Variants in RPTOR observed in about 807,000 individuals in gnomAD.
The protein encoded by RPTOR is regulatory-associated protein of mTOR.
In RPTOR, 21 loss-of-function variants were observed where a neutral mutation model predicts 169.9. The ratio of observed to expected loss-of-function variants is 0.12; its 90% confidence interval spans 0.09 to 0.18. The LOEUF (loss-of-function observed/expected upper bound fraction) is 0.18. Ranked by LOEUF, RPTOR falls within the 10% of genes least tolerant of loss-of-function variation. The pLI is 1.00. For synonymous variants in RPTOR, 732 were observed against 753.2 expected (o/e 0.97, Z 0.46); for missense variants, 1,133 against 1,855.9 (o/e 0.61, Z 7.16).
chr17:80,614,014 G>A (rs952797105), intron 1 of RPTOR, among the ~76,000 whole-genome samples: 15 of 152,148 alleles, frequency 9.9e-5, no homozygotes, highest in African/African-American at 3.6e-4. Context: ...CCTCCCCGGC[G>A]ACACTGCTGC....
intron 3 of RPTOR, among the ~76,000 whole-genome samples, chr17:80,705,649 C>T (rs12939413): frequency 0.18 from 27,107 of 152,150 alleles, 2,847 homozygotes; most frequent in East Asian, 0.24. Flanking sequence ...GTTTTCCTCA[C>T]ATCTAATTCT....
intron 3 of RPTOR, among the ~76,000 whole-genome samples, chr17:80,674,459 C>T (rs2065845612): frequency 6.6e-6 from 1 of 152,088 alleles, no homozygotes; most frequent in African/African-American, 2.4e-5. Flanking sequence ...AAATGAAGAA[C>T]TGGGGATTCT....
intron 4 of RPTOR, among the ~76,000 whole-genome samples, chr17:80,711,608 C>T (rs949895772): frequency 6.6e-6 from 1 of 152,104 alleles, no homozygotes; most frequent in African/African-American, 2.4e-5. Context: ...AATTAAGGTC[C>T]ATGCATTGCA....
In RPTOR at chr17:80,959,159, T is replaced by A. The variant is rs1446403062; in HGVS notation, c.3478-919T>A. Among the ~76,000 whole-genome samples the A allele has an allele frequency of 6.6e-6, 1 of 152,190 alleles. No homozygotes were observed. Among genetic ancestry groups the A allele is most frequent in the East Asian group, 1.9e-4 (1 of 5,184 alleles). ...CCCAGGCCTTCCCGTGTGGGCAGCC[T>A]CCCCTCTGACGTGACCGTGGATCCC... On this transcript the variant is annotated intron_variant, in intron 29 of 33. Coordinates refer to ENST00000306801, the MANE Select transcript of RPTOR (RefSeq NM_020761.3). The surrounding 1 kb of genome is among the most constrained non-coding windows in gnomAD (Gnocchi z 6.7).
rs1567854330 is a variant in RPTOR at position 80,681,662 on chromosome 17, G to GTTGAATTTCATTTGATTCTTAAATA, written c.349-26178_349-26177insTGAATTTCATTTGATTCTTAAATAT. 1.0e-3 allele frequency among the ~76,000 whole-genome samples: 89 copies of GTTGAATTTCATTTGATTCTTAAATA among 85,186 alleles called. 3 individuals are homozygous for GTTGAATTTCATTTGATTCTTAAATA. Among genetic ancestry groups the GTTGAATTTCATTTGATTCTTAAATA allele is most frequent in the African/African-American group, 2.9e-3 (39 of 13,684 alleles). 55.9% of individuals were successfully genotyped at this position (85,186 alleles called of 152,430 possible). A position where few individuals can be genotyped will look rare whatever the true frequency, so the allele number is the denominator to read the frequency against. ...TGTACGTCTCTTACACCTTCATGAG[G>GTTGAATTTCATTTGATTCTTAAATA]TGTACGTCTCTTACAGCTTCATGAG... On this transcript the variant is annotated intron_variant, in intron 3 of 33. Transcript: ENST00000306801.
At chr17:80,739,392 C>T (rs2066463803) in intron 5 of RPTOR, among the ~76,000 whole-genome samples, 1 of 152,078 alleles carries the variant, frequency 6.6e-6, no homozygotes, top group Non-Finnish European at 1.5e-5. Flanking sequence ...AAGGCAAGGG[C>T]AGGAAACAGG....
At chr17:80,857,524 G>A (rs367678644) in intron 12 of RPTOR, among the ~76,000 whole-genome samples, 126 of 152,326 alleles carry the variant, frequency 8.3e-4, no homozygotes, top group African/African-American at 2.8e-3. Flanking sequence ...AGCAGCCTGC[G>A]CCTCCACAAG....
Position 80,960,217 on chromosome 17 carries a change from C to A in RPTOR, c.3605+12C>A, listed in dbSNP as rs1555641687. ...GCACTCAGCGAATGGTACCTTGACCCTGTCCTCTCCCTCCCCGAGTGCTGG... is the reference window on the plus strand; with the variant it reads ...GCACTCAGCGAATGGTACCTTGACCATGTCCTCTCCCTCCCCGAGTGCTGG... On this transcript the variant is annotated intron_variant, in intron 30 of 33. Transcript: ENST00000306801. The surrounding 1 kb of genome is among the most constrained non-coding windows in gnomAD (Gnocchi z 4.8). 6.2e-7 allele frequency: 1 copy of A among 1,613,232 alleles called. No homozygotes were observed. The highest frequency in any genetic ancestry group is 8.5e-7 in the Non-Finnish European group (1 of 1,179,856).
At chr17:80,848,809 A>G (rs76300010) in intron 11 of RPTOR, among the ~76,000 whole-genome samples, 36 of 152,322 alleles carry the variant, frequency 2.4e-4, no homozygotes, top group African/African-American at 7.7e-4. Flanking sequence ...CTTTTTGTAA[A>G]TGGCCTTCTG....
At chr17:80,736,888 A>C (rs1347763914) in intron 5 of RPTOR, among the ~76,000 whole-genome samples, 2 of 152,118 alleles carry the variant, frequency 1.3e-5, no homozygotes, top group African/African-American at 4.8e-5. Flanking sequence ...CAGAGGAGGG[A>C]TCTGCGGTGC....
intron 21 of RPTOR, among the ~76,000 whole-genome samples, chr17:80,921,264 C>G (rs910669925): frequency 1.3e-5 from 2 of 152,232 alleles, no homozygotes; most frequent in African/African-American, 4.8e-5. Context: ...GATGGGCCGG[C>G]GCTCAGGGAA....
intron 21 of RPTOR, among the ~76,000 whole-genome samples, chr17:80,916,046 T>C: frequency 6.6e-6 from 1 of 152,154 alleles, no homozygotes; most frequent in East Asian, 1.9e-4. Flanking sequence ...TAACCTCCAC[T>C]TGTCCGTGTA....
At chr17:80,757,903 T>A (rs1199861718) in intron 6 of RPTOR, among the ~76,000 whole-genome samples, 2 of 152,130 alleles carry the variant, frequency 1.3e-5, no homozygotes, top group Non-Finnish European at 2.9e-5. Flanking sequence ...TCTTTTTAAC[T>A]CTCTGTACTG....
chr17:80,873,538 A>C (rs1250083247), intron 13 of RPTOR, among the ~76,000 whole-genome samples: 1 of 152,236 alleles, frequency 6.6e-6, no homozygotes. Flanking sequence ...TGGGAAGTGC[A>C]GTCCAAGTCC....
At chr17:80,641,070 G>A (rs568308568) in intron 2 of RPTOR, among the ~76,000 whole-genome samples, 43 of 152,304 alleles carry the variant, frequency 2.8e-4, no homozygotes, top group African/African-American at 9.9e-4. Context: ...CCTTGTTTGT[G>A]TACTTCGTGG....
Position 80,581,722 on chromosome 17 carries a change from T to C in RPTOR, c.162+35931T>C, listed in dbSNP as rs866482914. Among the ~76,000 whole-genome samples, 173 of 123,742 alleles carry C rather than the reference T, an allele frequency of 1.4e-3. No homozygotes were observed. In the Middle Eastern group the frequency reaches 0.015, roughly 11 times the overall value. The allele number at this position is 123,742 out of a possible 152,430, so 81.2% of individuals were successfully genotyped here. A position where few individuals can be genotyped will look rare whatever the true frequency, so the allele number is the denominator to read the frequency against. On this transcript the variant is annotated intron_variant, in intron 1 of 33. Transcript: ENST00000306801. ...ATTCTCTGCAGTGGAGACTGCACAT[T>C]GGGCCAGTGCATGCCTGCTATTCTC...
intron 1 of RPTOR, among the ~76,000 whole-genome samples, chr17:80,568,009 C>G (rs2064864455): frequency 6.6e-6 from 1 of 151,760 alleles, no homozygotes; most frequent in Non-Finnish European, 1.5e-5. Flanking sequence ...CGGGTTCAAG[C>G]AATTTTCGTG....
rs996067523 is a variant in RPTOR, at chr17:80,902,883, A to G, written c.2402-5928A>G. ...AAACCCTGCGTCTCGGCCAGAGTCC[A>G]AGCACACCCGTGCTGAGAGGCGAGG... On this transcript the variant is annotated intron_variant, in intron 20 of 33. Transcript: ENST00000306801. 3.3e-5 allele frequency among the ~76,000 whole-genome samples: 5 copies of G among 152,298 alleles called. No homozygotes were observed. The East Asian group carries it at 7.7e-4, about 24-fold the overall frequency.
In RPTOR at chr17:80,893,731, C is replaced by T. The variant is rs1209535416; in HGVS notation, c.2267C>T (p.Pro756Leu). The change falls in exon 20 of 34, where the codon CCC (proline) becomes CTC (leucine). Residue 756 changes from proline to leucine, a missense_variant. Pro to Leu is a moderately conservative substitution (Grantham distance 98). Coordinates refer to ENST00000306801, the MANE Select transcript of RPTOR (RefSeq NM_020761.3). The stretch of plus-strand genomic sequence containing the variant: ...GCTGGTGGCGCGGTGGCGTTCTCCC[C>T]CGGAAACCTCAGCACCAGCAGCAGC... ...EESGGAVAFS[P>L]GNLSTSSSAS... 1.2e-6 allele frequency: 2 copies of T among 1,609,938 alleles called. No homozygotes were observed. The highest frequency in any genetic ancestry group is 1.7e-5 in the Admixed American group (1 of 59,674).
Sources: allele counts gnomAD v4.1 joint callset (sites outside exome capture counted in the v4.1 genomes callset), GRCh38; gene constraint gnomAD v4.1.1; non-coding constraint Gnocchi (gnomAD v3.1); transcripts MANE v1.5; gene names NCBI Gene and HGNC (gene_info 2026-07-23, HGNC 2026-07-21).